SPIDR: variants seen among roughly 807,000 people sequenced by gnomAD.
The protein encoded by SPIDR is DNA repair-scaffolding protein.
Under a neutral mutation model 104.6 loss-of-function variants are expected in SPIDR, and 93 were observed. The observed-to-expected ratio is 0.89, with a 90% CI of 0.75 to 1.06. The LOEUF is 1.06. Ranked by LOEUF, SPIDR falls within the 50% of genes least tolerant of loss-of-function variation. The pLI, the probability that SPIDR is intolerant of heterozygous loss-of-function variation, is 0.00. For synonymous variants in SPIDR, 431 were observed against 416.9 expected, an observed-to-expected ratio of 1.03 and a Z score of -0.41; for missense variants, 1,154 against 1,111.2, an observed-to-expected ratio of 1.04 and a Z score of -0.55.
In SPIDR at chr8:47,452,958, GGGC is replaced by G. The variant is rs1554707153; in HGVS notation, c.1097+12417_1097+12419del. Among the ~76,000 whole-genome samples, 427 of 152,162 alleles carry G rather than the reference GGGC, an allele frequency of 2.8e-3. 2 individuals are homozygous for G. Among genetic ancestry groups the G allele is most frequent in the East Asian group, 0.017 (90 of 5,170 alleles). The stretch of plus-strand genomic sequence containing the variant: ...TAGATGACATGAATATATAGTTAGA[GGGC>G]CCCATCATCGCAGCCCAAGATCTCC... On this transcript the variant is annotated intron_variant, in intron 8 of 19. Transcript: ENST00000297423.
At chr8:47,325,803 T>A (rs2047556964) in intron 5 of SPIDR, among the ~76,000 whole-genome samples, 1 of 152,138 alleles carries the variant, frequency 6.6e-6, no homozygotes, top group Non-Finnish European at 1.5e-5. Flanking sequence ...TGCCTCCTCT[T>A]TCTGTTTTCC....
chr8:47,424,225 G>A (rs560478584), intron 7 of SPIDR, among the ~76,000 whole-genome samples: 2 of 152,186 alleles, frequency 1.3e-5, no homozygotes, highest in Non-Finnish European at 2.9e-5. Context: ...TCCGTTGTTT[G>A]ATCTCTGTTT....
intron 10 of SPIDR, among the ~76,000 whole-genome samples, chr8:47,644,417 T>TA (rs2069867242): frequency 6.6e-6 from 1 of 152,222 alleles, no homozygotes; most frequent in Admixed American, 6.5e-5. Context: ...GTAATCGTGT[T>TA]ACCTTCATTT....
At chr8:47,267,657 A>G (rs782342442) in intron 1 of SPIDR, among the ~76,000 whole-genome samples, 1 of 152,190 alleles carries the variant, frequency 6.6e-6, no homozygotes, top group Non-Finnish European at 1.5e-5. Context: ...TCTTGAAGAA[A>G]TGTTTATTCA....
chr8:47,711,862 T>G (rs532259729), intron 14 of SPIDR, among the ~76,000 whole-genome samples: 243 of 152,316 alleles, frequency 1.6e-3, no homozygotes, highest in African/African-American at 5.7e-3. Context: ...CTCCTGACAA[T>G]GTAGGCCACT....
At chr8:47,457,073 G>A (rs1290538221) in intron 8 of SPIDR, among the ~76,000 whole-genome samples, 6 of 152,110 alleles carry the variant, frequency 3.9e-5, no homozygotes, top group Non-Finnish European at 5.9e-5. Flanking sequence ...ACATGCATGT[G>A]CCAGTATTTT....
At chr8:47,635,057 G>T (rs900602123) in intron 10 of SPIDR, among the ~76,000 whole-genome samples, 26 of 152,136 alleles carry the variant, frequency 1.7e-4, no homozygotes, top group African/African-American at 6.3e-4. Context: ...GGGGGAAAGG[G>T]AGATGGTTAA....
chr8:47,444,850 A>C (rs546634604), intron 8 of SPIDR, among the ~76,000 whole-genome samples: 2 of 152,270 alleles, frequency 1.3e-5, no homozygotes, highest in African/African-American at 4.8e-5. Flanking sequence ...AGTTTTTAAA[A>C]CACTTTCCAT....
At chr8:47,581,542 T>C (rs1178440922) in intron 8 of SPIDR, among the ~76,000 whole-genome samples, 1 of 152,130 alleles carries the variant, frequency 6.6e-6, no homozygotes, top group Admixed American at 6.6e-5. Context: ...TATAAGGCGC[T>C]CCAGCATAGT....
At chr8:47,538,691 CT>C (rs1485024467) in intron 8 of SPIDR, among the ~76,000 whole-genome samples, 1 of 151,864 alleles carries the variant, frequency 6.6e-6, no homozygotes, top group Non-Finnish European at 1.5e-5. Context: ...TGATATAGCT[CT>C]CTGTCTTGCT....
intron 19 of SPIDR, chr8:47,732,447 G>A (rs754182532): frequency 8.0e-5 from 40 of 497,996 alleles, no homozygotes; most frequent in Admixed American, 2.2e-4. Context: ...AGGGCCAGAG[G>A]GTGGCAGCAG....
chr8:47,529,902 C>T (rs184484999), intron 8 of SPIDR, among the ~76,000 whole-genome samples: 3 of 152,160 alleles, frequency 2.0e-5, no homozygotes, highest in East Asian at 1.9e-4. Context: ...CTTTTAAATG[C>T]ACATCAAACT....
At chr8:47,502,476 C>T (rs562715145) in intron 8 of SPIDR, among the ~76,000 whole-genome samples, 22 of 152,236 alleles carry the variant, frequency 1.4e-4, no homozygotes, top group East Asian at 5.8e-4. Context: ...TCTGTGGGAT[C>T]GGTGGTGATA....
chr8:47,707,764 TG>T (rs1416060345), intron 14 of SPIDR, among the ~76,000 whole-genome samples: 1 of 152,228 alleles, frequency 6.6e-6, no homozygotes, highest in Non-Finnish European at 1.5e-5. Context: ...CATTTGGAGT[TG>T]GGTTTTGTAT....
chr8:47,328,745 C>T (rs187115513), intron 5 of SPIDR, among the ~76,000 whole-genome samples: 1 of 152,200 alleles, frequency 6.6e-6, no homozygotes, highest in Admixed American at 6.5e-5. Flanking sequence ...AATTTATGTA[C>T]ATTTAATGTT....
chr8:47,260,954 C>G lies in SPIDR; in HGVS notation c.-5C>G, dbSNP rs1388006272. On this transcript the variant is annotated 5_prime_UTR_variant, in exon 1 of 20. Coordinates refer to ENST00000297423, the MANE Select transcript of SPIDR (RefSeq NM_001080394.4). ...AGGCGGTGCGCTCAGGCGGCGCTCC[C>G]GGAGATGCCCCGCGGCAGCCGCGCT... 3.3e-5 allele frequency: 41 copies of G among 1,228,710 alleles called. No individual in the cohort carries two copies. The highest frequency in any genetic ancestry group is 6.2e-4 in the Middle Eastern group (2 of 3,226). 76.1% of individuals were successfully genotyped at this position (1,228,710 alleles called of 1,614,324 possible). A position where few individuals can be genotyped will look rare whatever the true frequency, so the allele number is the denominator to read the frequency against.
intron 8 of SPIDR, among the ~76,000 whole-genome samples, chr8:47,583,301 A>T (rs2059927889): frequency 1.0e-5 from 1 of 96,792 alleles, no homozygotes; most frequent in African/African-American, 4.0e-5. Context: ...GCGAGACTCC[A>T]TCTCAAAAAA....
intron 16 of SPIDR, among the ~76,000 whole-genome samples, chr8:47,725,114 T>C (rs759951491): frequency 4.6e-5 from 7 of 152,192 alleles, no homozygotes; most frequent in South Asian, 4.1e-4. Flanking sequence ...GAAGAGGGTA[T>C]AGCAGAGTTC....
intron 1 of SPIDR, among the ~76,000 whole-genome samples, chr8:47,265,350 G>A (rs1480705954): frequency 6.6e-6 from 1 of 151,744 alleles, no homozygotes; most frequent in African/African-American, 2.4e-5. Flanking sequence ...CACTGTGCCT[G>A]GCTAATATTT....
Sources: allele counts gnomAD v4.1 joint callset (sites outside exome capture counted in the v4.1 genomes callset), GRCh38; gene constraint gnomAD v4.1.1; transcripts MANE v1.5; gene names NCBI Gene and HGNC (gene_info 2026-07-23, HGNC 2026-07-21).